The following ADK variants were observed in gnomAD, a reference collection of about 807,000 sequenced individuals.
The protein encoded by ADK is N6,N6-dimethyladenosine kinase.
In ADK, 24 loss-of-function variants were observed where a neutral mutation model predicts 44.7. The observed-to-expected ratio is 0.54, with a 90% confidence interval of 0.39 to 0.76. The LOEUF (loss-of-function observed/expected upper bound fraction) is 0.76, where lower values mean the gene tolerates loss of function less well. Among genes scored for constraint, ADK ranks in the 30% least tolerant of loss-of-function variants. ADK has a pLI of 0.00. For missense variants in ADK, 321 were observed against 425.1 expected (o/e 0.76, Z 2.15); for synonymous variants, 128 against 142.6 (o/e 0.90, Z 0.73).
intron 6 of ADK, among the ~76,000 whole-genome samples, chr10:74,424,970 A>G (rs1429698011): frequency 1.3e-5 from 2 of 152,170 alleles, no homozygotes; most frequent in Non-Finnish European, 2.9e-5. Context: ...CTAGCCTAAT[A>G]TTTAAAGCTT....
chr10:74,317,731 G>A (rs1840673491), intron 4 of ADK, among the ~76,000 whole-genome samples: 1 of 152,078 alleles, frequency 6.6e-6, no homozygotes, highest in Non-Finnish European at 1.5e-5. Context: ...AATGAGAATG[G>A]AAAAAGAAGA....
At position 74,356,338 on chromosome 10, in the gene ADK, C is replaced by A. The variant is rs1592093895; in HGVS notation, c.274-37803C>A. 2.0e-5 allele frequency among the ~76,000 whole-genome samples: 3 copies of A among 152,110 alleles called. No individual in the cohort carries two copies. In the South Asian group the frequency reaches 6.2e-4, roughly 32 times the overall value. On this transcript the variant is annotated intron_variant, in intron 4 of 10. Coordinates refer to ENST00000539909, the MANE Select transcript of ADK (RefSeq NM_006721.4). The stretch of plus-strand genomic sequence containing the variant: ...CGGCCAATAATTCATATTGTTAATA[C>A]CTCAACCATATCTTGATATTCTGTT...
At chr10:74,250,273 A>G (rs2132333484) in intron 3 of ADK, among the ~76,000 whole-genome samples, 1 of 152,356 alleles carries the variant, frequency 6.6e-6, no homozygotes, top group East Asian at 1.9e-4. Flanking sequence ...AAGCTATCAT[A>G]GAGAACTAAT....
intron 4 of ADK, among the ~76,000 whole-genome samples, chr10:74,388,548 G>T (rs935622875): frequency 1.3e-5 from 2 of 151,516 alleles, no homozygotes; most frequent in South Asian, 4.2e-4. Flanking sequence ...GCAGTCTTTT[G>T]TAGTGTTCTA....
intron 1 of ADK, among the ~76,000 whole-genome samples, chr10:74,170,540 T>A (rs7913178): frequency 6.6e-6 from 1 of 151,756 alleles, no homozygotes; most frequent in South Asian, 2.1e-4. Flanking sequence ...GGCTCACGCC[T>A]GTAATCCTAG....
chr10:74,448,000 C>T (rs1021628458), intron 6 of ADK, among the ~76,000 whole-genome samples: 2 of 152,064 alleles, frequency 1.3e-5, no homozygotes, highest in African/African-American at 2.4e-5. Flanking sequence ...GTGGTGAAAC[C>T]GCATCTCTAC....
At chr10:74,539,149 T>C (rs1255948369) in intron 7 of ADK, among the ~76,000 whole-genome samples, 1 of 152,186 alleles carries the variant, frequency 6.6e-6, no homozygotes, top group Non-Finnish European at 1.5e-5. Flanking sequence ...AGAATTCTTG[T>C]TTGAATTTTT....
intron 4 of ADK, among the ~76,000 whole-genome samples, chr10:74,354,665 G>A (rs1298357158): frequency 6.6e-6 from 1 of 152,134 alleles, no homozygotes. Flanking sequence ...ATGATGTGAA[G>A]GGTCTACTCC....
At position 74,380,585 on chromosome 10, in the gene ADK, C is replaced by T. The variant is rs1842950220; in HGVS notation, c.274-13556C>T. ...CATCCTGGTTAACATGGTAAAACCC[C>T]ATCTCTACTAAAAATGCAAAAAATT... is the stretch of plus-strand genomic sequence containing the variant. On this transcript the variant is annotated intron_variant, in intron 4 of 10. Transcript: ENST00000539909. Among the ~76,000 whole-genome samples, 4 of 152,046 alleles carry T rather than the reference C, an allele frequency of 2.6e-5. No homozygotes were observed. In the South Asian group the frequency reaches 8.3e-4, roughly 32 times the overall value.
At chr10:74,233,617 C>T (rs1017713367) in intron 3 of ADK, among the ~76,000 whole-genome samples, 6 of 152,206 alleles carry the variant, frequency 3.9e-5, no homozygotes, top group Admixed American at 2.0e-4. Context: ...TGTACTCCTT[C>T]TTGACATAGT....
intron 9 of ADK, chr10:74,641,686 G>A (rs1853847552): frequency 6.6e-6 from 1 of 152,218 alleles, no homozygotes; most frequent in African/African-American, 2.4e-5. Flanking sequence ...TCTGACTAGG[G>A]AAGTCTAAAA....
intron 1 of ADK, among the ~76,000 whole-genome samples, chr10:74,182,805 G>C (rs1318138398): frequency 6.6e-6 from 1 of 152,212 alleles, no homozygotes; most frequent in Non-Finnish European, 1.5e-5. Context: ...AACTGTCAAA[G>C]ATAAAACTTG....
At chr10:74,558,703 C>T (rs1190181721) in intron 7 of ADK, among the ~76,000 whole-genome samples, 1 of 152,158 alleles carries the variant, frequency 6.6e-6, no homozygotes, top group African/African-American at 2.4e-5. Flanking sequence ...CAGGCTAATA[C>T]ACTTGGTTTC....
rs114216849 is a variant in ADK, at chr10:74,506,322, A to T, written c.556-18934A>T. 3.0e-3 allele frequency: 813 copies of T among 269,766 alleles called. 7 individuals are homozygous for T. The highest frequency in any genetic ancestry group is 0.018 in the African/African-American group (773 of 43,722). The allele number at this position is 269,766 out of a possible 1,614,324, so 16.7% of individuals were successfully genotyped here. Reference sequence around the variant, plus strand: ...GTGGGCAACCACAGCTGCAGACCTCAATCTACGGTACATATCAAGCAAGTC... The same window carrying T: ...GTGGGCAACCACAGCTGCAGACCTCTATCTACGGTACATATCAAGCAAGTC... On this transcript the variant is annotated intron_variant, in intron 6 of 10. Coordinates refer to ENST00000539909, the MANE Select transcript of ADK (RefSeq NM_006721.4).
chr10:74,152,622 AAAAATT>A (rs2132021205), intron 1 of ADK, among the ~76,000 whole-genome samples: 2 of 152,330 alleles, frequency 1.3e-5, no homozygotes, highest in East Asian at 3.9e-4. Context: ...TTTCCTTAAT[AAAAATT>A]ATTATATATA....
intron 7 of ADK, among the ~76,000 whole-genome samples, chr10:74,538,519 T>C (rs1043640952): frequency 1.3e-5 from 2 of 152,192 alleles, no homozygotes; most frequent in Non-Finnish European, 2.9e-5. Flanking sequence ...TGGTTGTTTT[T>C]TGTTGTTGAG....
At chr10:74,213,513 A>G (rs1199306776) in intron 2 of ADK, among the ~76,000 whole-genome samples, 1 of 134,842 alleles carries the variant, frequency 7.4e-6, no homozygotes, top group Non-Finnish European at 1.7e-5. Context: ...CAACCAGTAG[A>G]TGAAACTTTC....
At chr10:74,593,878 TGCTATTGTGAATA>T (rs1391901049) in intron 8 of ADK, among the ~76,000 whole-genome samples, 1 of 152,200 alleles carries the variant, frequency 6.6e-6, no homozygotes, top group Non-Finnish European at 1.5e-5. Context: ...TCCAAGCCTT[TGCTATTGTGAATA>T]GTGCTGCAGC....
intron 9 of ADK, among the ~76,000 whole-genome samples, chr10:74,669,039 A>C (rs1564844278): frequency 6.6e-6 from 1 of 151,632 alleles, no homozygotes; most frequent in African/African-American, 2.4e-5. Context: ...CAAGACCTAA[A>C]AAAAAAAAAA....
Sources: gnomAD v4.1 joint callset for allele counts (sites outside exome capture counted in the v4.1 genomes callset) on GRCh38, gnomAD v4.1.1 for gene constraint, MANE v1.5 for transcripts, NCBI Gene and HGNC (gene_info 2026-07-23, HGNC 2026-07-21) for gene names.